The following TTC23L variants were observed in gnomAD, a reference collection of about 807,000 sequenced individuals.
TTC23L encodes the protein tetratricopeptide repeat domain 23 like.
In TTC23L, 42 loss-of-function variants were observed where a neutral mutation model predicts 48.1. That is an observed-to-expected ratio of 0.87 (90% CI 0.68 to 1.13). TTC23L has a LOEUF of 1.13. Ranked by LOEUF, TTC23L falls within the 50% of genes most tolerant of loss-of-function variation. The pLI, the probability that TTC23L is intolerant of heterozygous loss-of-function variation, is 0.00. For missense variants in TTC23L, 391 were observed against 421.0 expected (o/e 0.93, Z 0.62); for synonymous variants, 159 against 157.2 (o/e 1.01, Z -0.09).
chr5:34,880,360 A>G, intron 9 of TTC23L, 52 bp downstream of exon 9: 2 of 1,533,572 alleles, frequency 1.3e-6, no homozygotes, highest in East Asian at 2.3e-5. Flanking sequence ...ATTAGATCAC[A>G]ATAGCATTTT....
chr5:34,844,469 C>G (rs567271232), intron 2 of TTC23L, among the ~76,000 whole-genome samples: 40 of 139,202 alleles, frequency 2.9e-4, no homozygotes, highest in African/African-American at 1.0e-3. Flanking sequence ...AAAGGTTACA[C>G]TTGGCAGTTA....
chr5:34,885,238 A>G (rs1239486461), intron 9 of TTC23L, among the ~76,000 whole-genome samples: 1 of 152,266 alleles, frequency 6.6e-6, no homozygotes, highest in East Asian at 1.9e-4. Context: ...ACTGTAACAG[A>G]TTAAAGAATC....
the TTC23L span, chr5:34,915,729 G>A: frequency 1.3e-6 from 2 of 1,595,258 alleles, no homozygotes; most frequent in South Asian, 1.1e-5. Context: ...AGCGCGGGCG[G>A]CGAGGCAAGA....
chr5:34,916,037 GC>G, the TTC23L span: 1 of 967,864 alleles, frequency 1.0e-6, no homozygotes, highest in Non-Finnish European at 1.5e-6. Flanking sequence ...AATTCTCCCG[GC>G]CAGACTGGGC....
the TTC23L span, chr5:34,916,137 C>T: frequency 9.8e-6 from 4 of 407,478 alleles, no homozygotes; most frequent in South Asian, 2.1e-4. Flanking sequence ...GGGGAAGCGA[C>T]TTACAGGGTG....
In TTC23L at chr5:34,868,902, C is replaced by T. The variant is rs368707830; in HGVS notation, c.841-3C>T. 190 of 1,600,982 alleles carry T rather than the reference C, an allele frequency of 1.2e-4. 2 individuals carry two copies. In the African/African-American group the frequency reaches 2.2e-3, roughly 19 times the overall value. On this transcript the variant is annotated splice_region_variant and splice_polypyrimidine_tract_variant and intron_variant, in intron 7 of 10. Coordinates refer to ENST00000505624, the Ensembl canonical transcript of TTC23L. ...TACCTTGTCATGATTTTCTTTATTC[C>T]AGGCTCATTCTGTCTGTGTTTCTTT...
At chr5:34,915,830 A>G in the TTC23L span, 44 of 1,573,272 alleles carry the variant, frequency 2.8e-5, no homozygotes, top group Non-Finnish European at 3.5e-5. Context: ...CCGCCAGCTA[A>G]GCGGCACGCC....
intron 7 of TTC23L, chr5:34,867,505 C>T (rs911686401): frequency 1.1e-5 from 2 of 174,384 alleles, no homozygotes; most frequent in Non-Finnish European, 2.5e-5. Context: ...TATTTCCAAA[C>T]CTAAGGTTAA....
At position 34,847,459 on chromosome 5, in the gene TTC23L, CAGTTATAGCTCAATAACGCTGTT is replaced by C. The variant is rs1252433201; in HGVS notation, c.255+1787_255+1809del. ...TGAACAGGTGCAGTTCTTTGTATATCAGTTATAGCTCAATAACGCTGTTTTTTTTTTTTTTTTTTAAATCAAAC... is the reference window on the plus strand; with the variant it reads ...TGAACAGGTGCAGTTCTTTGTATATCTTTTTTTTTTTTTTTTAAATCAAAC... On this transcript the variant is annotated intron_variant, in intron 3 of 10. Transcript: ENST00000505624. Among the ~76,000 whole-genome samples the C allele has an allele frequency of 4.7e-5, 7 of 148,794 alleles. 1 individual carries two copies. The South Asian group carries it at 1.1e-3, about 23-fold the overall frequency.
At chr5:34,845,837 C>G in intron 3 of TTC23L, 164 bp downstream of exon 3, 1 of 678,810 alleles carries the variant, frequency 1.5e-6, no homozygotes, top group South Asian at 2.1e-5. Flanking sequence ...GTAGCCAGCC[C>G]ACCTTCTGGT....
chr5:34,843,450 A>C (rs1758861905), intron 2 of TTC23L, among the ~76,000 whole-genome samples: 3 of 152,226 alleles, frequency 2.0e-5, no homozygotes, highest in Admixed American at 6.5e-5. Flanking sequence ...TCATTTGTCA[A>C]GACCTCAATG....
In TTC23L at chr5:34,881,626, T is replaced by A. The variant is rs182841649; in HGVS notation, c.1077+1318T>A. Among the ~76,000 whole-genome samples, 8 of 152,344 alleles carry A rather than the reference T, an allele frequency of 5.3e-5. No homozygotes were observed. In the East Asian group the frequency reaches 7.7e-4, roughly 15 times the overall value. On this transcript the variant is annotated intron_variant, in intron 9 of 10. Coordinates refer to ENST00000505624, the Ensembl canonical transcript of TTC23L. ...TCCAGGAATGAAGAACAGTTTTTTT[T>A]ATATCATATCTAAACATTTTTTATA...
At chr5:34,917,088 G>A in the TTC23L span, among the ~76,000 whole-genome samples, 1 of 152,064 alleles carries the variant, frequency 6.6e-6, no homozygotes, top group Non-Finnish European at 1.5e-5. Flanking sequence ...CTGCATATCA[G>A]AGGAAGTGTA....
chr5:34,863,185 C>G lies in TTC23L; in HGVS notation c.536+131C>G. ...GATCTGTTCCAACATCAAGGCCCTCCATGAGCCTCTCCTCTCCATCTAGAA... is the reference window on the plus strand; with the variant it reads ...GATCTGTTCCAACATCAAGGCCCTCGATGAGCCTCTCCTCTCCATCTAGAA... On this transcript the variant is annotated intron_variant, in intron 5 of 10. Transcript: ENST00000505624. The surrounding 1 kb of genome is among the most constrained non-coding windows in gnomAD (Gnocchi z 4.1). 1 of 1,089,392 alleles carries G rather than the reference C, an allele frequency of 9.2e-7. No homozygotes were observed. Among genetic ancestry groups the G allele is most frequent in the Non-Finnish European group, 1.3e-6 (1 of 751,242 alleles). The allele number at this position is 1,089,392 out of a possible 1,614,324, so 67.5% of individuals were successfully genotyped here. A position where few individuals can be genotyped will look rare whatever the true frequency, so the allele number is the denominator to read the frequency against.
At chr5:34,850,767 A>T (rs1759607748) in intron 4 of TTC23L, among the ~76,000 whole-genome samples, 1 of 152,200 alleles carries the variant, frequency 6.6e-6, no homozygotes, top group South Asian at 2.1e-4. Context: ...GCTTAGTGAA[A>T]GGTAGGACCC....
intron 9 of TTC23L, among the ~76,000 whole-genome samples, chr5:34,886,257 A>T (rs1762529651): frequency 6.6e-6 from 1 of 151,998 alleles, no homozygotes; most frequent in African/African-American, 2.4e-5. Flanking sequence ...GTGACACATC[A>T]CAACGGACTG....
intron 4 of TTC23L, 147 bp downstream of exon 4, chr5:34,850,455 G>A: frequency 1.2e-6 from 1 of 817,456 alleles, no homozygotes; most frequent in Non-Finnish European, 1.8e-6. Flanking sequence ...CATGGATGAG[G>A]GAGACAGTGT....
the TTC23L span, chr5:34,921,950 G>T: frequency 4.9e-6 from 1 of 202,576 alleles, no homozygotes; most frequent in Non-Finnish European, 9.6e-6. Flanking sequence ...CCAGTAATCA[G>T]AAGTGAGACC....
chr5:34,852,093 C>G (rs748173082), intron 4 of TTC23L, among the ~76,000 whole-genome samples: 47 of 152,178 alleles, frequency 3.1e-4, no homozygotes, highest in Non-Finnish European at 2.6e-4. Context: ...CTACGTTGCC[C>G]AGGCCGATCT....
Sources: gnomAD v4.1 joint callset for allele counts (sites outside exome capture counted in the v4.1 genomes callset) on GRCh38, gnomAD v4.1.1 for gene constraint, Gnocchi (gnomAD v3.1) non-coding constraint, MANE v1.5 for transcripts, NCBI Gene and HGNC (gene_info 2026-07-23, HGNC 2026-07-21) for gene names.